IFT74: variants seen among roughly 807,000 people sequenced by gnomAD.
IFT74 encodes intraflagellar transport protein 74 homolog.
Under a neutral mutation model 96.7 loss-of-function variants are expected in IFT74, and 92 were observed. The ratio of observed to expected loss-of-function variants is 0.95; its 90% CI spans 0.80 to 1.13. The LOEUF is 1.13. IFT74 is among the 50% of genes most tolerant of loss of function. The pLI, the probability that IFT74 is intolerant of heterozygous loss-of-function variation, is 0.00. For missense variants in IFT74, 811 were observed against 698.2 expected, an observed-to-expected ratio of 1.16 and a Z score of -1.82; for synonymous variants, 223 against 213.2, an observed-to-expected ratio of 1.05 and a Z score of -0.40.
At chr9:26,973,821 A>G (rs1009141815) in intron 2 of IFT74, among the ~76,000 whole-genome samples, 1 of 152,164 alleles carries the variant, frequency 6.6e-6, no homozygotes, top group African/African-American at 2.4e-5. Flanking sequence ...TAAAAAGGTG[A>G]TAAGTTCACA....
chr9:27,008,544 A>G (rs1828896323), intron 8 of IFT74, among the ~76,000 whole-genome samples: 1 of 152,070 alleles, frequency 6.6e-6, no homozygotes, highest in Non-Finnish European at 1.5e-5. Flanking sequence ...CTTTTAGTAG[A>G]GATGGGTGTT....
At chr9:27,051,331 GT>G (rs962549157) in intron 16 of IFT74, among the ~76,000 whole-genome samples, 9 of 151,388 alleles carry the variant, frequency 5.9e-5, no homozygotes, top group African/African-American at 1.7e-4. Flanking sequence ...GTTTGCCGTA[GT>G]TTTTTTTTGT....
chr9:26,973,397 C>T (rs1384021385), intron 2 of IFT74, among the ~76,000 whole-genome samples: 3 of 152,106 alleles, frequency 2.0e-5, no homozygotes, highest in Non-Finnish European at 2.9e-5. Flanking sequence ...ATCCTGCCTT[C>T]GAAGGGAATG....
intron 16 of IFT74, among the ~76,000 whole-genome samples, chr9:27,049,284 A>G (rs1413897159): frequency 2.6e-5 from 4 of 152,346 alleles, no homozygotes; most frequent in Non-Finnish European, 4.4e-5. Flanking sequence ...ACACATATAC[A>G]TCTTAAAGGT....
At chr9:27,060,683 G>A (rs772006608) in intron 19 of IFT74, 32 bp downstream of exon 19, 18 of 1,537,502 alleles carry the variant, frequency 1.2e-5, no homozygotes, top group Non-Finnish European at 1.5e-5. Context: ...ATGGGGCCGG[G>A]TGCGGTGGCT....
At chr9:26,968,506 C>T (rs765980890) in intron 2 of IFT74, among the ~76,000 whole-genome samples, 5 of 152,126 alleles carry the variant, frequency 3.3e-5, no homozygotes, top group Non-Finnish European at 5.9e-5. Flanking sequence ...GTGATCCGCC[C>T]ACCTCAGCCT....
chr9:26,959,368 C>G (rs539566382), intron 1 of IFT74, among the ~76,000 whole-genome samples: 9 of 152,310 alleles, frequency 5.9e-5, no homozygotes, highest in South Asian at 2.1e-4. Context: ...CTCGGCCTCC[C>G]AAAGTGCTGG....
At chr9:26,990,244 G>A in intron 8 of IFT74, 49 bp downstream of exon 8, 3 of 935,542 alleles carry the variant, frequency 3.2e-6, no homozygotes, top group Non-Finnish European at 4.6e-6. Flanking sequence ...GCTTTATTAG[G>A]TAGTTTAAGT....
rs1448336562 is a variant in IFT74 at position 26,984,356 on chromosome 9, G to A, written c.404+1G>A. On this transcript the variant is annotated splice_donor_variant, in intron 5 of 19. Transcript: ENST00000380062. LOFTEE classifies it high-confidence loss of function. Reference sequence around the variant, plus strand: ...CAGTATATTTGTCATATGAAAAGAGGTGAGTAATAAGTATTCAGTATTCAT... The same window carrying A: ...CAGTATATTTGTCATATGAAAAGAGATGAGTAATAAGTATTCAGTATTCAT... The A allele has an allele frequency of 9.5e-6, 15 of 1,584,208 alleles. No homozygotes were observed. Among genetic ancestry groups the A allele is most frequent in the Non-Finnish European group, 1.2e-5 (14 of 1,163,934 alleles).
chr9:27,006,876 A>G (rs929055998), intron 8 of IFT74, among the ~76,000 whole-genome samples: 9 of 117,512 alleles, frequency 7.7e-5, no homozygotes, highest in East Asian at 7.1e-4. Flanking sequence ...TCGCTCTGTC[A>G]CCCAGGCTGG....
chr9:27,040,378 C>A (rs995377628), intron 13 of IFT74, among the ~76,000 whole-genome samples: 1 of 151,822 alleles, frequency 6.6e-6, no homozygotes, highest in Admixed American at 6.6e-5. Flanking sequence ...TAGTGAAACC[C>A]TGTCTCTGCT....
At chr9:26,988,621 G>A in intron 6 of IFT74, 48 bp from the exon 7 acceptor site, 3 of 1,480,720 alleles carry the variant, frequency 2.0e-6, no homozygotes, top group Non-Finnish European at 2.8e-6. Context: ...GAGAACATGT[G>A]TAAAGACTAA....
upstream of IFT74, among the ~76,000 whole-genome samples, chr9:26,952,076 C>T (rs541009886): frequency 9.2e-5 from 14 of 152,280 alleles, no homozygotes; most frequent in Admixed American, 7.8e-4. Context: ...AAACATTCTT[C>T]TAGTGCCAAT....
At chr9:27,042,996 T>C (rs145572708) in intron 13 of IFT74, among the ~76,000 whole-genome samples, 25 of 152,362 alleles carry the variant, frequency 1.6e-4, no homozygotes, top group Non-Finnish European at 3.1e-4. Flanking sequence ...AAAGTTTGTT[T>C]AATAACAGAG....
At chr9:27,008,266 A>G (rs1373161315) in intron 8 of IFT74, among the ~76,000 whole-genome samples, 2 of 152,148 alleles carry the variant, frequency 1.3e-5, no homozygotes, top group Non-Finnish European at 2.9e-5. Context: ...GCCACACTGG[A>G]TGATTTACAC....
At chr9:27,003,103 T>C (rs1467098079) in intron 8 of IFT74, among the ~76,000 whole-genome samples, 1 of 152,234 alleles carries the variant, frequency 6.6e-6, no homozygotes, top group Non-Finnish European at 1.5e-5. Flanking sequence ...ACTGTTGGCA[T>C]ATCTAAATTC....
intron 12 of IFT74, among the ~76,000 whole-genome samples, chr9:27,026,997 G>A (rs1360708823): frequency 6.6e-6 from 1 of 151,786 alleles, no homozygotes; most frequent in Non-Finnish European, 1.5e-5. Flanking sequence ...AAATTAAATT[G>A]AAACAAAAAA....
chr9:26,950,651 A>G (rs116999926), intron 1 of IFT74, among the ~76,000 whole-genome samples: 1,860 of 152,338 alleles, frequency 0.012, 22 homozygotes, highest in Non-Finnish European at 0.019. Flanking sequence ...CTCATTAGTT[A>G]TAATTCTGCA....
At chr9:27,011,997 A>C in intron 10 of IFT74, 29 bp downstream of exon 10, 23 of 1,441,528 alleles carry the variant, frequency 1.6e-5, no homozygotes, top group Admixed American at 2.3e-5. Context: ...AAGGGTTCTC[A>C]TACTACTCAG....
Sources: gnomAD v4.1 joint callset for allele counts (sites outside exome capture counted in the v4.1 genomes callset) on GRCh38, gnomAD v4.1.1 for gene constraint, MANE v1.5 for transcripts, NCBI Gene and HGNC (gene_info 2026-07-23, HGNC 2026-07-21) for gene names.